The following CCDC171 variants were observed in gnomAD, a reference collection of about 807,000 sequenced individuals.
The protein encoded by CCDC171 is coiled-coil domain containing 171, also known as coiled-coil domain-containing protein 171.
CCDC171 carries 177 observed loss-of-function variants against 168.2 expected under a neutral mutation model. The observed-to-expected ratio is 1.05, with a 90% confidence interval of 0.93 to 1.19. CCDC171 has a LOEUF of 1.19. Ranked by LOEUF, CCDC171 falls within the 50% of genes most tolerant of loss-of-function variation. CCDC171 has a pLI of 0.00. For synonymous variants in CCDC171, 687 were observed against 540.8 expected (o/e 1.27, Z -3.75); for missense variants, 1,991 against 1,539.0 (o/e 1.29, Z -4.91).
At position 15,676,916 on chromosome 9, in the gene CCDC171, A is replaced by G. The variant is rs572161157; in HGVS notation, c.1077-1842A>G. 2.2e-4 allele frequency among the ~76,000 whole-genome samples: 34 copies of G among 152,260 alleles called. No individual in the cohort carries two copies. The South Asian group carries it at 7.1e-3, about 32-fold the overall frequency. On this transcript the variant is annotated intron_variant, in intron 9 of 25. Coordinates refer to ENST00000380701, the MANE Select transcript of CCDC171 (RefSeq NM_173550.4). ...GAATCTTTAGGTGATTATATATGAA[A>G]TGGTTTACTTATGTTACATTATTAT...
chr9:15,703,245 T>C (rs1468179605), intron 11 of CCDC171, among the ~76,000 whole-genome samples: 1 of 152,188 alleles, frequency 6.6e-6, no homozygotes, highest in Admixed American at 6.5e-5. Flanking sequence ...AAGAGAATGT[T>C]GTGGCTGGTT....
At chr9:16,085,469 C>T in the CCDC171 span, among the ~76,000 whole-genome samples, 3 of 152,160 alleles carry the variant, frequency 2.0e-5, no homozygotes, top group Non-Finnish European at 4.4e-5. Context: ...CCTACAGCTC[C>T]AAGACAGGCA....
chr9:15,729,867 T>C (rs2054047522), intron 16 of CCDC171, 69 bp downstream of exon 16: 2 of 1,297,554 alleles, frequency 1.5e-6, no homozygotes, highest in South Asian at 1.4e-5. Flanking sequence ...CTTTTTTTTT[T>C]TCAGTAGCAG....
At chr9:15,900,843 T>C (rs1821533929) in intron 24 of CCDC171, among the ~76,000 whole-genome samples, 1 of 152,150 alleles carries the variant, frequency 6.6e-6, no homozygotes, top group African/African-American at 2.4e-5. Flanking sequence ...TCATGGTTTT[T>C]GTTTCTGGGG....
rs569819113 is a variant in CCDC171 at position 15,711,972 on chromosome 9, A to G, written c.1319-9797A>G. Among the ~76,000 whole-genome samples the G allele has an allele frequency of 8.5e-5, 13 of 152,264 alleles. No homozygotes were observed. The South Asian group carries it at 2.3e-3, about 27-fold the overall frequency. On this transcript the variant is annotated intron_variant, in intron 11 of 25. Coordinates refer to ENST00000380701, the MANE Select transcript of CCDC171 (RefSeq NM_173550.4). The stretch of plus-strand genomic sequence containing the variant: ...CCACACCTGTATTCCAGGAGGGTCT[A>G]TTATCCGGGAGAGCTGTATGGTTCT...
At chr9:15,934,259 A>T (rs1012805419) in intron 25 of CCDC171, among the ~76,000 whole-genome samples, 1 of 151,416 alleles carries the variant, frequency 6.6e-6, no homozygotes, top group Non-Finnish European at 1.5e-5. Flanking sequence ...GCGTGTTGGC[A>T]TGTGCTTGTA....
chr9:16,106,536 C>T, the CCDC171 span, among the ~76,000 whole-genome samples: 1 of 152,172 alleles, frequency 6.6e-6, no homozygotes, highest in African/African-American at 2.4e-5. Context: ...GTTTCCCAAG[C>T]CTGTAAACTG....
chr9:15,829,667 C>A (rs529929920), intron 21 of CCDC171, among the ~76,000 whole-genome samples: 1 of 152,128 alleles, frequency 6.6e-6, no homozygotes, highest in Non-Finnish European at 1.5e-5. Flanking sequence ...CACCTGTAAT[C>A]CCAGCACTTT....
chr9:16,080,278 G>C, the CCDC171 span, among the ~76,000 whole-genome samples: 1 of 152,130 alleles, frequency 6.6e-6, no homozygotes, highest in African/African-American at 2.4e-5. Context: ...AAATATTATA[G>C]TGATCGCTAA....
intron 6 of CCDC171, among the ~76,000 whole-genome samples, chr9:15,595,259 T>C (rs2042259252): frequency 6.6e-6 from 1 of 152,106 alleles, no homozygotes; most frequent in Non-Finnish European, 1.5e-5. Context: ...TAACTTGTCA[T>C]TTAACATTAG....
chr9:15,709,627 A>C (rs950702159), intron 11 of CCDC171, among the ~76,000 whole-genome samples: 1 of 152,176 alleles, frequency 6.6e-6, no homozygotes, highest in African/African-American at 2.4e-5. Context: ...ACAGGGAAAA[A>C]TAATCAAATA....
intron 25 of CCDC171, among the ~76,000 whole-genome samples, chr9:15,952,612 G>T (rs1034547828): frequency 1.3e-5 from 2 of 152,052 alleles, no homozygotes; most frequent in African/African-American, 4.8e-5. Flanking sequence ...GGTCAGGCTG[G>T]TCTTGAACTC....
chr9:15,608,723 G>A (rs561914007), intron 6 of CCDC171, among the ~76,000 whole-genome samples: 1 of 151,276 alleles, frequency 6.6e-6, no homozygotes, highest in Admixed American at 6.6e-5. Flanking sequence ...AGTCTGAGGT[G>A]GGAGAATTGC....
intron 24 of CCDC171, among the ~76,000 whole-genome samples, chr9:15,878,325 A>G (rs1818136561): frequency 6.6e-6 from 1 of 152,196 alleles, no homozygotes; most frequent in Admixed American, 6.5e-5. Context: ...ATGAACACAT[A>G]CTTTTCAAAA....
chr9:16,011,302 T>A (rs577084168), intron 3 of CCDC171, among the ~76,000 whole-genome samples: 1 of 152,254 alleles, frequency 6.6e-6, no homozygotes, highest in African/African-American at 2.4e-5. Context: ...ACCTATTCTA[T>A]CCTGTTTATG....
chr9:15,699,785 A>G (rs2051548322), intron 11 of CCDC171, among the ~76,000 whole-genome samples: 1 of 152,158 alleles, frequency 6.6e-6, no homozygotes, highest in Non-Finnish European at 1.5e-5. Context: ...AAGGTTCTCC[A>G]AGGTCCCACC....
chr9:15,805,374 G>C (rs1418181864), intron 21 of CCDC171, among the ~76,000 whole-genome samples: 1 of 152,076 alleles, frequency 6.6e-6, no homozygotes, highest in East Asian at 1.9e-4. Context: ...TTTGATGTGG[G>C]CATTTAGTGC....
At chr9:15,670,883 C>T (rs1312978036) in intron 9 of CCDC171, among the ~76,000 whole-genome samples, 4 of 152,006 alleles carry the variant, frequency 2.6e-5, no homozygotes, top group African/African-American at 7.2e-5. Context: ...TGGCTTATAC[C>T]TGTAATCCCA....
chr9:15,870,697 G>T (rs957060095), intron 23 of CCDC171, among the ~76,000 whole-genome samples: 6 of 151,420 alleles, frequency 4.0e-5, no homozygotes, highest in African/African-American at 1.5e-4. Flanking sequence ...AGTCCAGAGG[G>T]ATTTATAGCT....
Sources: allele counts gnomAD v4.1 joint callset (sites outside exome capture counted in the v4.1 genomes callset), GRCh38; gene constraint gnomAD v4.1.1; transcripts MANE v1.5; gene names NCBI Gene and HGNC (gene_info 2026-07-23, HGNC 2026-07-21).